The following MAGI1 variants were observed in gnomAD, a reference collection of about 807,000 sequenced individuals.
The protein encoded by MAGI1 is membrane associated guanylate kinase, WW and PDZ domain containing 1.
A neutral mutation model predicts 139.9 loss-of-function variants in MAGI1; 58 were observed. That is an observed-to-expected ratio of 0.41 (90% CI 0.34 to 0.52). The LOEUF is 0.52. Ranked by LOEUF, MAGI1 falls within the 20% of genes least tolerant of loss-of-function variation. MAGI1 has a pLI of 0.12. For missense variants in MAGI1, 1,874 were observed against 1,901.6 expected (o/e 0.99, Z 0.27); for synonymous variants, 812 against 737.9 (o/e 1.10, Z -1.63).
Position 65,974,411 on chromosome 3 carries a change from A to ATGGG in MAGI1, c.313+63584_313+63585insCCCA, listed in dbSNP as rs1326074006. On this transcript the variant is annotated intron_variant, in intron 1 of 22. Coordinates refer to ENST00000402939, the MANE Select transcript of MAGI1 (RefSeq NM_001033057.2). ...GCTGGGTGGATGGGTGGATGGGTGG[A>ATGGG]TGGATGGATGGATGGATGGATGGAT... 9.3e-3 allele frequency among the ~76,000 whole-genome samples: 1,390 copies of ATGGG among 149,064 alleles called. 30 individuals carry two copies. Among genetic ancestry groups the ATGGG allele is most frequent in the African/African-American group, 0.033 (1,307 of 39,834 alleles).
At chr3:65,620,412 G>A (rs1382566625) in intron 2 of MAGI1, among the ~76,000 whole-genome samples, 2 of 152,100 alleles carry the variant, frequency 1.3e-5, no homozygotes, top group African/African-American at 4.8e-5. Flanking sequence ...AACTTCAAAG[G>A]GTTACTATAG....
At chr3:65,544,797 G>T (rs939330723) in intron 2 of MAGI1, among the ~76,000 whole-genome samples, 2 of 152,160 alleles carry the variant, frequency 1.3e-5, no homozygotes, top group Admixed American at 6.6e-5. Flanking sequence ...TATATAAGCT[G>T]TCAGAAATAT....
chr3:65,822,339 C>T (rs2041992560), intron 1 of MAGI1, among the ~76,000 whole-genome samples: 1 of 152,098 alleles, frequency 6.6e-6, no homozygotes, highest in South Asian at 2.1e-4. Context: ...ACCAGCCTGG[C>T]CAACATGGTG....
At chr3:65,698,084 GACAA>G (rs1351520289) in intron 1 of MAGI1, among the ~76,000 whole-genome samples, 1 of 91,028 alleles carries the variant, frequency 1.1e-5, no homozygotes, top group Non-Finnish European at 2.2e-5. Context: ...ACCAATAACA[GACAA>G]ACAGAGAGCC....
At chr3:65,485,759 T>C (rs1559598171) in intron 3 of MAGI1, among the ~76,000 whole-genome samples, 1 of 152,218 alleles carries the variant, frequency 6.6e-6, no homozygotes, top group Non-Finnish European at 1.5e-5. Context: ...AAAAAAGGCA[T>C]CAATATTCCC....
intron 1 of MAGI1, among the ~76,000 whole-genome samples, chr3:65,781,837 G>A (rs2038959699): frequency 6.6e-6 from 1 of 152,208 alleles, no homozygotes; most frequent in African/African-American, 2.4e-5. Flanking sequence ...CAAACACAGA[G>A]AGTACAGGCA....
At chr3:65,703,422 A>G (rs2089754800) in intron 1 of MAGI1, among the ~76,000 whole-genome samples, 1 of 152,248 alleles carries the variant, frequency 6.6e-6, no homozygotes, top group East Asian at 1.9e-4. Flanking sequence ...AGAATATTTA[A>G]ATATACTCCA....
intron 1 of MAGI1, among the ~76,000 whole-genome samples, chr3:65,771,331 G>A (rs1261577166): frequency 6.7e-6 from 1 of 150,032 alleles, no homozygotes; most frequent in Non-Finnish European, 1.5e-5. Flanking sequence ...AAAAAAAGAA[G>A]ACGATTACTC....
intron 1 of MAGI1, among the ~76,000 whole-genome samples, chr3:65,622,419 T>C (rs1016049518): frequency 4.6e-5 from 7 of 152,218 alleles, no homozygotes; most frequent in Non-Finnish European, 1.0e-4. Flanking sequence ...CATAAATTAC[T>C]GAAACCTTAA....
chr3:65,559,649 G>A (rs553981555), intron 2 of MAGI1, among the ~76,000 whole-genome samples: 7 of 152,216 alleles, frequency 4.6e-5, no homozygotes, highest in South Asian at 2.1e-4. Context: ...GGTAGGGATC[G>A]TTATTCCCTT....
At chr3:65,688,470 CT>C in intron 1 of MAGI1, 1 of 468,116 alleles carries the variant, frequency 2.1e-6, no homozygotes. Context: ...CAAAAGTGAC[CT>C]TCCCTTCACT....
At chr3:65,690,237 T>A (rs1277276567) in intron 1 of MAGI1, among the ~76,000 whole-genome samples, 3 of 152,094 alleles carry the variant, frequency 2.0e-5, no homozygotes, top group Non-Finnish European at 2.9e-5. Context: ...TCCTTGAGAA[T>A]CAAATGAATA....
intron 1 of MAGI1, among the ~76,000 whole-genome samples, chr3:65,954,001 T>C (rs1197538772): frequency 6.6e-6 from 1 of 152,128 alleles, no homozygotes; most frequent in Non-Finnish European, 1.5e-5. Context: ...CTTTCTAAAA[T>C]GATAGAGTCC....
intron 1 of MAGI1, among the ~76,000 whole-genome samples, chr3:65,987,743 ATT>A (rs1387189180): frequency 8.9e-6 from 1 of 112,900 alleles, no homozygotes; most frequent in Admixed American, 9.6e-5. Context: ...CTAATTTTGC[ATT>A]TTTTGTAGGG....
intron 2 of MAGI1, among the ~76,000 whole-genome samples, chr3:65,519,749 A>G (rs893080496): frequency 4.6e-5 from 7 of 152,176 alleles, no homozygotes; most frequent in African/African-American, 1.7e-4. Flanking sequence ...GATGGACTAG[A>G]GTGGAAAGAG....
chr3:65,735,470 A>G (rs1200411862), intron 1 of MAGI1, among the ~76,000 whole-genome samples: 1 of 152,108 alleles, frequency 6.6e-6, no homozygotes, highest in Non-Finnish European at 1.5e-5. Context: ...AAGATGAGTG[A>G]GATCAGCGAG....
chr3:65,865,762 T>A (rs2059703627), intron 1 of MAGI1, among the ~76,000 whole-genome samples: 1 of 152,206 alleles, frequency 6.6e-6, no homozygotes. Context: ...TGCCTCAGCC[T>A]CCAGAGTACC....
At chr3:66,020,774 G>A (rs1251723751) in intron 1 of MAGI1, among the ~76,000 whole-genome samples, 1 of 152,038 alleles carries the variant, frequency 6.6e-6, no homozygotes, top group Non-Finnish European at 1.5e-5. Context: ...CTCCCACCCT[G>A]CATAAAATAC....
At chr3:65,865,988 G>A (rs551885299) in intron 1 of MAGI1, among the ~76,000 whole-genome samples, 20 of 152,274 alleles carry the variant, frequency 1.3e-4, no homozygotes, top group Middle Eastern at 3.4e-3. Context: ...GACATGGAAT[G>A]ATGTTCATAA....
Sources: gnomAD v4.1 joint callset for allele counts (sites outside exome capture counted in the v4.1 genomes callset) on GRCh38, gnomAD v4.1.1 for gene constraint, MANE v1.5 for transcripts, NCBI Gene and HGNC (gene_info 2026-07-23, HGNC 2026-07-21) for gene names.